HMCN2: variants seen among roughly 807,000 people sequenced by gnomAD.
HMCN2 encodes hemicentin 2.
HMCN2 carries 325 observed loss-of-function variants against 377.5 expected under a neutral mutation model. The observed-to-expected ratio is 0.86, with a 90% confidence interval of 0.79 to 0.94. The LOEUF (loss-of-function observed/expected upper bound fraction) is 0.94, where lower values mean the gene tolerates loss of function less well. Ranked by LOEUF, HMCN2 falls within the 40% of genes least tolerant of loss-of-function variation. The pLI is 0.00. For missense variants in HMCN2, 4,543 were observed against 4,725.3 expected, an observed-to-expected ratio of 0.96 and a Z score of 1.13; for synonymous variants, 2,007 against 2,046.8, an observed-to-expected ratio of 0.98 and a Z score of 0.53.
rs1447142822 is a variant in HMCN2, at chr9:130,306,205, C to T, written c.1893C>T (p.Ala631=). The change falls in exon 12 of 98, where the codon GCC becomes GCT. Residue 631 remains alanine (A), a synonymous_variant. Transcript: ENST00000683500. ...QGVEVKVSCS[A]SGYPTPHISW... ...TGGAGGTGAAGGTCAGCTGCTCAGCCTCTGGATACCCCACACCCCACATCT... is the reference window on the plus strand; with the variant it reads ...TGGAGGTGAAGGTCAGCTGCTCAGCTTCTGGATACCCCACACCCCACATCT... The T allele has an allele frequency of 2.1e-6, 1 of 471,016 alleles. No homozygotes were observed. The highest frequency in any genetic ancestry group is 4.4e-6 in the Non-Finnish European group (1 of 227,062). 29.2% of individuals were successfully genotyped at this position (471,016 alleles called of 1,614,324 possible).
At chr9:130,346,930 G>C (rs1020308269) in intron 25 of HMCN2, among the ~76,000 whole-genome samples, 4 of 152,078 alleles carry the variant, frequency 2.6e-5, no homozygotes, top group South Asian at 2.1e-4. Flanking sequence ...TCCCCGCCTT[G>C]GTCCCTCAGG....
Position 130,391,118 on chromosome 9 carries a change from T to G in HMCN2, c.9665T>G (p.Leu3222Arg). ...CGCAAGGACTTCGTGGTAGCAGTGC[T>G]GGGTAGGTCTGCGCCTGCACCCTCC... ...EARKDFVVAV[L>R]VAPRIRSSGV... The change falls in exon 63 of 98, where the codon CTG (leucine) becomes CGG (arginine). Residue 3222 changes from leucine (L) to arginine (R), a missense_variant and splice_region_variant. By Grantham distance (102) the Leu-to-Arg change is moderately radical. Coordinates refer to ENST00000683500, the MANE Select transcript of HMCN2 (RefSeq NM_001291815.2). The G allele has an allele frequency of 1.0e-6, 1 of 987,848 alleles. No individual in the cohort carries two copies. Among genetic ancestry groups the G allele is most frequent in the Non-Finnish European group, 1.2e-6 (1 of 830,232 alleles). 61.2% of individuals were successfully genotyped at this position (987,848 alleles called of 1,614,324 possible).
chr9:130,295,089 G>A (rs1304083966), intron 5 of HMCN2, 63 bp downstream of exon 5: 1 of 363,276 alleles, frequency 2.8e-6, no homozygotes, highest in African/African-American at 2.2e-5. Flanking sequence ...AGCCCAGGAT[G>A]GGACAAAGAA....
chr9:130,349,961 G>T (rs1011577880), intron 29 of HMCN2, among the ~76,000 whole-genome samples: 1 of 140,126 alleles, frequency 7.1e-6, no homozygotes, highest in African/African-American at 2.7e-5. Flanking sequence ...GCAGTGGAAC[G>T]ATCTCAGCTC....
At chr9:130,294,377 A>G (rs1336860258) in intron 4 of HMCN2, among the ~76,000 whole-genome samples, 3 of 152,240 alleles carry the variant, frequency 2.0e-5, no homozygotes, top group African/African-American at 4.8e-5. Context: ...TGGACTGGAA[A>G]GAGACCTGAA....
chr9:130,379,789 C>T (rs753438119), intron 54 of HMCN2, among the ~76,000 whole-genome samples: 13 of 152,240 alleles, frequency 8.5e-5, no homozygotes, highest in South Asian at 2.1e-4. Flanking sequence ...TGACCCCAAA[C>T]GCTGACGAAG....
At chr9:130,286,341 G>T in intron 4 of HMCN2, 31 bp downstream of exon 4, 3 of 469,804 alleles carry the variant, frequency 6.4e-6, no homozygotes, top group Non-Finnish European at 1.3e-5. Flanking sequence ...CCATCCCGGA[G>T]CCCATCACTC....
intron 65 of HMCN2, 62 bp downstream of exon 65, chr9:130,391,636 C>T (rs926974552): frequency 2.0e-6 from 2 of 985,210 alleles, no homozygotes; most frequent in Non-Finnish European, 2.4e-6. Flanking sequence ...GATAAGGCGA[C>T]ATGTGAGCAA....
chr9:130,392,744 T>TC (rs143685485), intron 66 of HMCN2, among the ~76,000 whole-genome samples: 35,197 of 151,912 alleles, frequency 0.23, 4,220 homozygotes, highest in African/African-American at 0.27. Context: ...ACGCCTGTAA[T>TC]CCAGCACTTT....
intron 22 of HMCN2, among the ~76,000 whole-genome samples, chr9:130,335,171 C>A (rs1355536806): frequency 6.6e-6 from 1 of 152,108 alleles, no homozygotes; most frequent in Non-Finnish European, 1.5e-5. Flanking sequence ...CTAGCCCAGA[C>A]CTCTTCCTAC....
In HMCN2 at chr9:130,406,081, C is replaced by G; in HGVS notation, c.12466C>G (p.Leu4156Val). ...CCTGCCTGGGGACCGCAGCCTGCGC[C>G]TTGGGGACAGGCTGTGGCTTCGCTG... is the stretch of plus-strand genomic sequence containing the variant. ...TTLPGDRSLR[L>V]GDRLWLRCAA... The change falls in exon 82 of 98, where the codon CTT becomes GTT. Residue 4156 changes from leucine (L) to valine (V), a missense_variant. Coordinates refer to ENST00000683500, the MANE Select transcript of HMCN2 (RefSeq NM_001291815.2). 1 of 1,289,862 alleles carries G rather than the reference C, an allele frequency of 7.8e-7. No homozygotes were observed. Among genetic ancestry groups the G allele is most frequent in the Non-Finnish European group, 1.0e-6 (1 of 988,874 alleles). The allele number at this position is 1,289,862 out of a possible 1,614,324, so 79.9% of individuals were successfully genotyped here. A position where few individuals can be genotyped will look rare whatever the true frequency, so the allele number is the denominator to read the frequency against.
chr9:130,335,620 G>A (rs1838702718), intron 22 of HMCN2, among the ~76,000 whole-genome samples: 1 of 152,064 alleles, frequency 6.6e-6, no homozygotes, highest in Admixed American at 6.6e-5. Flanking sequence ...AGATGAGCAG[G>A]TGTTATCCAT....
At chr9:130,290,875 A>C (rs113455568) in intron 4 of HMCN2, among the ~76,000 whole-genome samples, 16,979 of 151,630 alleles carry the variant, frequency 0.11, 1,097 homozygotes, top group Middle Eastern at 0.15. Flanking sequence ...AAAAAAAAAA[A>C]AAAAACAAAA....
At chr9:130,315,141 C>A (rs1588228519) in intron 15 of HMCN2, among the ~76,000 whole-genome samples, 3 of 148,738 alleles carry the variant, frequency 2.0e-5, no homozygotes, top group African/African-American at 7.4e-5. Flanking sequence ...AAGTTAGTTA[C>A]CCCTTCCCTT....
chr9:130,386,563 C>T (rs1842031955), intron 61 of HMCN2, 39 bp downstream of exon 61: 1 of 1,248,252 alleles, frequency 8.0e-7, no homozygotes, highest in Non-Finnish European at 1.1e-6. Flanking sequence ...GACTGTGGAG[C>T]CCCTAGCAAC....
chr9:130,430,829 C>T, intron 95 of HMCN2: 1 of 559,654 alleles, frequency 1.8e-6, no homozygotes, highest in Non-Finnish European at 3.1e-6. Flanking sequence ...TTTTTTAAAC[C>T]ATTTGACTTC....
At chr9:130,287,411 C>A (rs1447171531) in intron 4 of HMCN2, among the ~76,000 whole-genome samples, 2 of 152,030 alleles carry the variant, frequency 1.3e-5, no homozygotes, top group Non-Finnish European at 2.9e-5. Context: ...TTGGCTTAAG[C>A]GCACCTCCTC....
intron 43 of HMCN2, among the ~76,000 whole-genome samples, chr9:130,367,061 G>A (rs921199381): frequency 6.6e-6 from 1 of 152,116 alleles, no homozygotes; most frequent in Non-Finnish European, 1.5e-5. Flanking sequence ...CACCCCAGGC[G>A]GAGGTAAGGG....
intron 25 of HMCN2, among the ~76,000 whole-genome samples, chr9:130,346,286 C>T (rs2131500681): frequency 6.6e-6 from 1 of 152,132 alleles, no homozygotes; most frequent in East Asian, 1.9e-4. Context: ...GGGCTGTTAG[C>T]TTCAGCTCAC....
Sources: allele counts gnomAD v4.1 joint callset (sites outside exome capture counted in the v4.1 genomes callset), GRCh38; gene constraint gnomAD v4.1.1; transcripts MANE v1.5; gene names NCBI Gene and HGNC (gene_info 2026-07-23, HGNC 2026-07-21).